Variants in SLC16A5 observed in about 807,000 individuals in gnomAD.
SLC16A5 encodes the protein monocarboxylate transporter 6.
SLC16A5 carries 29 observed loss-of-function variants against 33.2 expected under a neutral mutation model. That is an observed-to-expected ratio of 0.87 (90% CI 0.65 to 1.19). SLC16A5 has a LOEUF of 1.19. Among genes scored for constraint, SLC16A5 ranks in the 50% most tolerant of loss-of-function variants. The pLI, the probability that SLC16A5 is intolerant of heterozygous loss-of-function variation, is 0.00. For synonymous variants in SLC16A5, 248 were observed against 284.1 expected (o/e 0.87, Z 1.28); for missense variants, 606 against 678.2 (o/e 0.89, Z 1.18).
At chr17:75,104,575 C>G (rs373286594) in intron 6 of SLC16A5, 2 of 642,338 alleles carry the variant, frequency 3.1e-6, no homozygotes, top group African/African-American at 2.0e-5. Flanking sequence ...CCTCTGCCCC[C>G]CAAGTAGCTG....
At position 75,105,924 on chromosome 17, in the gene SLC16A5, A is replaced by G. The variant is rs1388196085; in HGVS notation, c.1409A>G (p.His470Arg). Reference sequence around the variant, plus strand: ...CCACGTCCAGCTGGCGTCAATAAGCATCTTTGGGGATGTCCTGCCTCCTCC... The same window carrying G: ...CCACGTCCAGCTGGCGTCAATAAGCGTCTTTGGGGATGTCCTGCCTCCTCC... ...RQPRPAGVNK[H>R]LWGCPASSRT... is the part of the protein sequence containing the mutation. Residue 470 changes from histidine to arginine, a missense_variant, in exon 7 of 7, where the codon CAT becomes CGT. His to Arg is a conservative substitution (Grantham distance 29). Transcript: ENST00000329783. 1 of 1,610,636 alleles carries G rather than the reference A, an allele frequency of 6.2e-7. No individual in the cohort carries two copies. Among genetic ancestry groups the G allele is most frequent in the Non-Finnish European group, 8.5e-7 (1 of 1,177,578 alleles).
chr17:75,097,078 G>A (rs1233437614), intron 3 of SLC16A5, among the ~76,000 whole-genome samples: 2 of 151,678 alleles, frequency 1.3e-5, no homozygotes, highest in Non-Finnish European at 2.9e-5. Context: ...CACCCACCTC[G>A]GCCTCCCAAA....
rs1328370118 is a variant in SLC16A5 at position 75,100,061 on chromosome 17, T to C, written c.398T>C (p.Phe133Ser). The C allele has an allele frequency of 1.9e-6, 3 of 1,613,484 alleles. No individual in the cohort carries two copies. The highest frequency in any genetic ancestry group is 1.1e-5 in the South Asian group (1 of 91,068). The change falls in exon 5 of 7, where the codon TTT (phenylalanine) becomes TCT (serine). Residue 133 changes from phenylalanine to serine, a missense_variant. Physicochemically the swap from Phe to Ser is radical, Grantham distance 155 (BLOSUM62 -2). Coordinates refer to ENST00000329783, the MANE Select transcript of SLC16A5 (RefSeq NM_004695.4). The part of the protein sequence containing the change: ...QSSITVLGFY[F>S]VRRRVLANAL... ...AGCATCACGGTGCTGGGCTTCTACT[T>C]TGTCCGCCGGCGGGTGCTGGCCAAC...
chr17:75,106,164 G>A (rs377609108), downstream of SLC16A5: 6 of 519,080 alleles, frequency 1.2e-5, no homozygotes, highest in Admixed American at 3.5e-5. Flanking sequence ...AAAAGAAAAC[G>A]TAGGAGGTTG....
At chr17:75,097,491 G>A (rs2073735240) in intron 3 of SLC16A5, among the ~76,000 whole-genome samples, 1 of 151,156 alleles carries the variant, frequency 6.6e-6, no homozygotes, top group Non-Finnish European at 1.5e-5. Context: ...AGTGCAAGGA[G>A]GCGCAGAGGG....
At chr17:75,108,774 C>T (rs545715531), downstream of SLC16A5, among the ~76,000 whole-genome samples, 1 of 147,222 alleles carries the variant, frequency 6.8e-6, no homozygotes, top group Non-Finnish European at 1.6e-5. Flanking sequence ...CAAGGGTGAC[C>T]GCTCAAGGTT....
chr17:75,098,126 C>T lies in SLC16A5; in HGVS notation c.288C>T (p.Ala96=). ...TGCTGGCCAGCCTGGGCATGGTGGC[C>T]AGCTCCTTCTCTCACAACCTCAGCC... ...GGVLASLGMV[A]SSFSHNLSQL... The change falls in exon 4 of 7, where the codon GCC becomes GCT. Residue 96 remains alanine (A), a synonymous_variant. Transcript: ENST00000329783. 3 of 1,611,926 alleles carry T rather than the reference C, an allele frequency of 1.9e-6. No individual in the cohort carries two copies. The highest frequency in any genetic ancestry group is 2.5e-6 in the Non-Finnish European group (3 of 1,179,102).
At chr17:75,102,763 C>A (rs991690869) in intron 5 of SLC16A5, among the ~76,000 whole-genome samples, 69 of 151,688 alleles carry the variant, frequency 4.5e-4, no homozygotes, top group African/African-American at 1.6e-3. Context: ...GGCAGAGTCT[C>A]GCTCTGTCAT....
intron 4 of SLC16A5, among the ~76,000 whole-genome samples, chr17:75,098,918 T>G (rs1193163353): frequency 6.6e-6 from 1 of 150,468 alleles, no homozygotes; most frequent in Non-Finnish European, 1.5e-5. Flanking sequence ...AGGGAGGAGG[T>G]GTTGGGGGGC....
At chr17:75,104,555 G>A (rs2073840688) in intron 6 of SLC16A5, 5 of 804,348 alleles carry the variant, frequency 6.2e-6, no homozygotes, top group South Asian at 3.4e-5. Context: ...AAGTTCAAGC[G>A]ATTCTCCTGC....
In SLC16A5 at chr17:75,100,336, C is replaced by T. The variant is rs773434814; in HGVS notation, c.673C>T (p.Arg225Cys). ...GGCTGCATGCGGCCGGACCATCCAG[C>T]GCCACCTGGCCTTCGACATCCTGCG... ...CLAACGRTIQ[R>C]HLAFDILRHN... Residue 225 changes from arginine (R) to cysteine (C), a missense_variant, in exon 5 of 7, where the codon CGC (arginine) becomes TGC (cysteine). Coordinates refer to ENST00000329783, the MANE Select transcript of SLC16A5 (RefSeq NM_004695.4). 1.5e-5 allele frequency: 24 copies of T among 1,614,072 alleles called. No homozygotes were observed. Among genetic ancestry groups the T allele is most frequent in the Middle Eastern group, 3.3e-4 (2 of 6,084 alleles).
intron 5 of SLC16A5, among the ~76,000 whole-genome samples, chr17:75,103,486 C>T (rs2073825381): frequency 6.6e-6 from 1 of 151,692 alleles, no homozygotes; most frequent in South Asian, 2.1e-4. Flanking sequence ...CCTGCCCCCA[C>T]ACCTGTCTAA....
At chr17:75,107,665 G>A (rs546358716), downstream of SLC16A5, among the ~76,000 whole-genome samples, 12 of 152,328 alleles carry the variant, frequency 7.9e-5, no homozygotes, top group Non-Finnish European at 1.2e-4. Context: ...TAGGCCGGGC[G>A]CAGTGGCTCA....
At chr17:75,104,612 C>T (rs1039559322) in intron 6 of SLC16A5, 6 of 570,134 alleles carry the variant, frequency 1.1e-5, no homozygotes, top group East Asian at 1.4e-4. Flanking sequence ...CCACCACTCC[C>T]GGCTAATTTT....
At chr17:75,105,099 G>A (rs374996494) in intron 6 of SLC16A5, 1 of 985,326 alleles carries the variant, frequency 1.0e-6, no homozygotes. Flanking sequence ...CCCAGTGAAG[G>A]TCATTGGGCC....
Position 75,096,562 on chromosome 17 carries a change from C to T in SLC16A5, c.200-1476C>T, listed in dbSNP as rs2073721105. 3.3e-5 allele frequency among the ~76,000 whole-genome samples: 5 copies of T among 150,378 alleles called. No homozygotes were observed. In the South Asian group the frequency reaches 1.0e-3, roughly 32 times the overall value. On this transcript the variant is annotated intron_variant, in intron 3 of 6. Coordinates refer to ENST00000329783, the MANE Select transcript of SLC16A5 (RefSeq NM_004695.4). ...TTTTTTTTTTCGGAGATGGAGCCTC[C>T]CTCTCTCACCCAGGCTGGAGTGTAG...
At chr17:75,088,243 A>G (rs55827552) in intron 1 of SLC16A5, among the ~76,000 whole-genome samples, 199 bp downstream of exon 1, 2,774 of 152,196 alleles carry the variant, frequency 0.018, 37 homozygotes, top group Non-Finnish European at 0.03. Context: ...CCGCAAGCCC[A>G]AGGGCGCTCG....
chr17:75,093,460 T>A, intron 2 of SLC16A5, 129 bp from the exon 3 acceptor site: 1 of 1,535,980 alleles, frequency 6.5e-7, no homozygotes, highest in Non-Finnish European at 8.7e-7. Context: ...CCAGGGGTGG[T>A]GCCCCTCTGT....
At chr17:75,098,692 T>TTTTG (rs56053066) in intron 4 of SLC16A5, among the ~76,000 whole-genome samples, 48,206 of 151,296 alleles carry the variant, frequency 0.32, 8,158 homozygotes, top group Middle Eastern at 0.43. Flanking sequence ...GACAGGCTTT[T>TTTTG]TTTGTTTGTT....
Sources: allele counts gnomAD v4.1 joint callset (sites outside exome capture counted in the v4.1 genomes callset), GRCh38; gene constraint gnomAD v4.1.1; transcripts MANE v1.5; gene names NCBI Gene and HGNC (gene_info 2026-07-23, HGNC 2026-07-21).